The following SORCS2 variants were observed in gnomAD, a reference collection of about 807,000 sequenced individuals.
The protein encoded by SORCS2 is VPS10 domain-containing receptor SorCS2.
SORCS2 carries 100 observed loss-of-function variants against 141.6 expected under a neutral mutation model. That is an observed-to-expected ratio of 0.71 (90% CI 0.60 to 0.83). The LOEUF (loss-of-function observed/expected upper bound fraction) is 0.83. SORCS2 is among the 40% of genes least tolerant of loss of function. The probability of loss-of-function intolerance (pLI) is 0.00; values close to 1 mark genes in which losing one functional copy is unlikely to be tolerated. For synonymous variants in SORCS2, 789 were observed against 676.9 expected (o/e 1.17, Z -2.57); for missense variants, 1,646 against 1,560.2 (o/e 1.05, Z -0.93).
intron 3 of SORCS2, among the ~76,000 whole-genome samples, chr4:7,539,678 C>CACCCCCGTTATG (rs1234528255): frequency 6.6e-6 from 1 of 152,114 alleles, no homozygotes; most frequent in African/African-American, 2.4e-5. Context: ...TGCAAGGCCC[C>CACCCCCGTTATG]GACCCCCGTT....
chr4:7,606,494 C>T (rs1005575369), intron 3 of SORCS2, among the ~76,000 whole-genome samples: 1 of 152,128 alleles, frequency 6.6e-6, no homozygotes, highest in African/African-American at 2.4e-5. Flanking sequence ...GACCTGTAAG[C>T]TTCACCTGTT....
Position 7,723,714 on chromosome 4 carries a change from C to T in SORCS2, c.2442C>T (p.Thr814=). ...VRQEQGDVLT[T]KYQVDLGDGF... The stretch of plus-strand genomic sequence containing the variant: ...CTCTGCAGGGTGATGTCCTGACTAC[C>T]AAGTACCAGGTAGACCTTGGGGACG... The change falls in exon 19 of 27, where the codon ACC becomes ACT. Residue 814 remains threonine, a synonymous_variant. Coordinates refer to ENST00000507866, the MANE Select transcript of SORCS2 (RefSeq NM_020777.3). 6.2e-7 allele frequency: 1 copy of T among 1,613,966 alleles called. No individual in the cohort carries two copies. Among genetic ancestry groups the T allele is most frequent in the Non-Finnish European group, 8.5e-7 (1 of 1,179,878 alleles).
At chr4:7,677,263 G>C (rs906553803) in intron 9 of SORCS2, among the ~76,000 whole-genome samples, 3 of 152,104 alleles carry the variant, frequency 2.0e-5, no homozygotes, top group Non-Finnish European at 4.4e-5. Flanking sequence ...CCCGTGCATC[G>C]CACCAATGTG....
In SORCS2 at chr4:7,356,502, G is replaced by GGA. The variant is rs146158185; in HGVS notation, c.481-39769_481-39768dup. On this transcript the variant is annotated intron_variant, in intron 1 of 26. Transcript: ENST00000507866. ...AGCATGGAGAGAGATGGAGAGAGAT[G>GGA]GAGAGAGAGAGAGAGAGATCAATCT... Among the ~76,000 whole-genome samples the GGA allele has an allele frequency of 7.9e-3, 1,187 of 150,080 alleles. 12 individuals carry two copies. Among genetic ancestry groups the GGA allele is most frequent in the African/African-American group, 0.022 (896 of 40,252 alleles).
Position 7,635,647 on chromosome 4 carries a change from G to A in SORCS2, c.649-2681G>A, listed in dbSNP as rs754011345. Among the ~76,000 whole-genome samples, 138 of 152,110 alleles carry A rather than the reference G, an allele frequency of 9.1e-4. 2 individuals carry two copies. Among genetic ancestry groups the A allele is most frequent in the Non-Finnish European group, 3.2e-4 (22 of 68,022 alleles). ...TCATGAGCACATAAGCTCCCCAGTC[G>A]TTAGCTGTTCTTTGCCAACGTTATT... On this transcript the variant is annotated intron_variant, in intron 3 of 26. Coordinates refer to ENST00000507866, the MANE Select transcript of SORCS2 (RefSeq NM_020777.3).
intron 3 of SORCS2, among the ~76,000 whole-genome samples, chr4:7,547,082 AC>A (rs1713318498): frequency 6.6e-6 from 1 of 152,056 alleles, no homozygotes; most frequent in Non-Finnish European, 1.5e-5. Context: ...CTGCAAATCC[AC>A]TCATCCCCAG....
chr4:7,730,569 C>G (rs865865093), intron 23 of SORCS2, among the ~76,000 whole-genome samples: 1 of 152,166 alleles, frequency 6.6e-6, no homozygotes, highest in African/African-American at 2.4e-5. Context: ...AGGAACGAAG[C>G]CCTTGACACC....
chr4:7,369,107 G>T (rs1722090535), intron 1 of SORCS2, among the ~76,000 whole-genome samples: 1 of 152,126 alleles, frequency 6.6e-6, no homozygotes, highest in Admixed American at 6.5e-5. Context: ...AGGAGTTCAA[G>T]ACCAGCCTGG....
chr4:7,333,990 G>A (rs867076228), intron 1 of SORCS2, among the ~76,000 whole-genome samples: 5 of 152,148 alleles, frequency 3.3e-5, no homozygotes, highest in Middle Eastern at 3.4e-3. Flanking sequence ...TGGGGACAGC[G>A]TCCCCTGCTG....
intron 1 of SORCS2, among the ~76,000 whole-genome samples, chr4:7,387,623 ATTTGCACACACG>A (rs1723490339): frequency 7.1e-6 from 1 of 141,292 alleles, no homozygotes; most frequent in Non-Finnish European, 1.5e-5. Flanking sequence ...ACACATACAC[ATTTGCACACACG>A]CACACACATG....
intron 2 of SORCS2, among the ~76,000 whole-genome samples, chr4:7,524,110 C>T (rs777627003): frequency 6.6e-5 from 10 of 152,318 alleles, no homozygotes; most frequent in African/African-American, 1.2e-4. Context: ...TGAATAGAGT[C>T]GCCCCCAAAA....
At chr4:7,491,527 G>A (rs1188288927) in intron 2 of SORCS2, among the ~76,000 whole-genome samples, 2 of 152,242 alleles carry the variant, frequency 1.3e-5, no homozygotes, top group African/African-American at 2.4e-5. Context: ...TCACGCTGCT[G>A]ACTGAATCCA....
Position 7,664,532 on chromosome 4 carries a change from C to T in SORCS2, c.1071+61C>T, listed in dbSNP as rs1722385229. 5 of 1,261,960 alleles carry T rather than the reference C, an allele frequency of 4.0e-6. No individual in the cohort carries two copies. The highest frequency in any genetic ancestry group is 2.6e-5 in the East Asian group (1 of 38,816). 78.2% of individuals were successfully genotyped at this position (1,261,960 alleles called of 1,614,324 possible). ...CAGGTGACGTGGCGGATGACCCGTT[C>T]GCGGCAAAAATGGCATCGCTCAGAA... On this transcript the variant is annotated intron_variant, in intron 7 of 26. Coordinates refer to ENST00000507866, the MANE Select transcript of SORCS2 (RefSeq NM_020777.3). The surrounding 1 kb of genome is among the most constrained non-coding windows in gnomAD (Gnocchi z 4.7).
chr4:7,400,145 CCCCCGGCTCCTA>C (rs1724478345), intron 2 of SORCS2, among the ~76,000 whole-genome samples: 1 of 151,704 alleles, frequency 6.6e-6, no homozygotes, highest in South Asian at 2.1e-4. Context: ...AAAAACCCCA[CCCCCGGCTCCTA>C]CCCCATCCCC....
At chr4:7,610,141 A>G (rs748543828) in intron 3 of SORCS2, among the ~76,000 whole-genome samples, 48 of 152,222 alleles carry the variant, frequency 3.2e-4, no homozygotes, top group Non-Finnish European at 5.1e-4. Context: ...TTGGGGGGAA[A>G]TCTTATCAGC....
intron 25 of SORCS2, among the ~76,000 whole-genome samples, chr4:7,734,734 G>A (rs1437203873): frequency 6.6e-6 from 1 of 152,200 alleles, no homozygotes; most frequent in Non-Finnish European, 1.5e-5. Context: ...GTGTGCCCAA[G>A]GTAACACAGA....
intron 2 of SORCS2, among the ~76,000 whole-genome samples, chr4:7,463,492 A>G (rs943171152): frequency 6.6e-6 from 1 of 152,016 alleles, no homozygotes; most frequent in African/African-American, 2.4e-5. Flanking sequence ...TTTGTTGAAA[A>G]TCCCTGGGGG....
chr4:7,217,963 A>T (rs1728463064), intron 1 of SORCS2, among the ~76,000 whole-genome samples: 1 of 152,092 alleles, frequency 6.6e-6, no homozygotes, highest in Admixed American at 6.5e-5. Context: ...TGCCTTTCCC[A>T]CTGTGCAGCT....
At chr4:7,627,366 T>A (rs1719580507) in intron 3 of SORCS2, among the ~76,000 whole-genome samples, 1 of 152,106 alleles carries the variant, frequency 6.6e-6, no homozygotes, top group Non-Finnish European at 1.5e-5. Flanking sequence ...GCCTTACATA[T>A]CCCTACTCAG....
Sources: gnomAD v4.1 joint callset for allele counts (sites outside exome capture counted in the v4.1 genomes callset) on GRCh38, gnomAD v4.1.1 for gene constraint, Gnocchi (gnomAD v3.1) non-coding constraint, MANE v1.5 for transcripts, NCBI Gene and HGNC (gene_info 2026-07-23, HGNC 2026-07-21) for gene names.